The following EDA variants were observed in gnomAD, a reference collection of about 807,000 sequenced individuals.
EDA encodes ectodysplasin-A.
A neutral mutation model predicts 23.6 loss-of-function variants in EDA; 2 were observed. That is an observed-to-expected ratio of 0.08 (90% CI 0.03 to 0.27). EDA has a LOEUF of 0.27. EDA is among the 10% of genes least tolerant of loss of function. The pLI is 1.00. For missense variants in EDA, 229 were observed against 324.2 expected (o/e 0.71, Z 2.26); for synonymous variants, 131 against 132.0 (o/e 0.99, Z 0.05).
At chrX:69,912,611 T>A (rs542076958) in intron 1 of EDA, among the ~76,000 whole-genome samples, 1 of 111,297 alleles carries the variant, frequency 9.0e-6, no homozygotes, top group African/African-American at 3.3e-5. Context: ...AGCAGTAGTA[T>A]TTTGAATGGA....
At chrX:69,800,450 T>C (rs2015656120) in intron 1 of EDA, among the ~76,000 whole-genome samples, 1 of 111,483 alleles carries the variant, frequency 9.0e-6, no homozygotes, top group Non-Finnish European at 1.9e-5. Flanking sequence ...ATACTCTGAC[T>C]TGATCTTTAC....
At chrX:69,819,747 A>G (rs1402314057) in intron 1 of EDA, among the ~76,000 whole-genome samples, 4 of 111,530 alleles carry the variant, frequency 3.6e-5, no homozygotes, top group Non-Finnish European at 7.5e-5. Context: ...CAAATGGAGA[A>G]ACATTCCATG....
chrX:69,688,091 G>T (rs913113111), intron 1 of EDA, among the ~76,000 whole-genome samples: 12 of 111,322 alleles, frequency 1.1e-4, no homozygotes, highest in African/African-American at 3.9e-4. Flanking sequence ...TCACTGCCCT[G>T]GGAAAAAGAG....
At chrX:70,019,740 C>T (rs2020003962) in intron 2 of EDA, among the ~76,000 whole-genome samples, 1 of 111,466 alleles carries the variant, frequency 9.0e-6, no homozygotes, top group South Asian at 3.8e-4. Context: ...CCAGGGCCTT[C>T]TTGCGAGTGG....
At chrX:69,879,715 T>G (rs952140119) in intron 1 of EDA, among the ~76,000 whole-genome samples, 2 of 112,139 alleles carry the variant, frequency 1.8e-5, no homozygotes, top group Non-Finnish European at 3.8e-5. Flanking sequence ...AAAAGGAAGA[T>G]GGCATACCTG....
intron 1 of EDA, among the ~76,000 whole-genome samples, chrX:69,771,522 T>G (rs2014639858): frequency 1.8e-5 from 2 of 111,432 alleles, no homozygotes; most frequent in Non-Finnish European, 1.9e-5. Context: ...GTGCCTGGTG[T>G]GAGGGGGAAA....
chrX:69,979,213 C>T (rs930365704), intron 2 of EDA, among the ~76,000 whole-genome samples: 13 of 111,888 alleles, frequency 1.2e-4, no homozygotes, highest in Non-Finnish European at 2.1e-4. Context: ...GGTCCATCTG[C>T]GTTATAGCAT....
intron 1 of EDA, among the ~76,000 whole-genome samples, chrX:69,823,635 C>G (rs1397580797): frequency 1.1e-5 from 1 of 93,378 alleles, no homozygotes; most frequent in African/African-American, 4.1e-5. Context: ...AATTTTCTCC[C>G]ATTCTGTAGG....
chrX:69,915,477 C>G (rs2018326415), intron 1 of EDA, among the ~76,000 whole-genome samples: 1 of 109,936 alleles, frequency 9.1e-6, no homozygotes, highest in Non-Finnish European at 1.9e-5. Context: ...GTGGCACATC[C>G]CTGTAATCCC....
intron 1 of EDA, chrX:69,938,064 C>T: frequency 9.1e-7 from 1 of 1,100,169 alleles, no homozygotes; most frequent in Non-Finnish European, 1.2e-6. Flanking sequence ...AAATGTTATA[C>T]TTGATTGAAG....
intron 1 of EDA, among the ~76,000 whole-genome samples, chrX:69,870,969 A>C (rs1446037546): frequency 9.0e-6 from 1 of 110,893 alleles, no homozygotes; most frequent in Non-Finnish European, 1.9e-5. Flanking sequence ...CACTTTTTCC[A>C]CTGAACTTAG....
At chrX:69,654,709 A>G (rs2147247076) in intron 1 of EDA, among the ~76,000 whole-genome samples, 1 of 105,034 alleles carries the variant, frequency 9.5e-6, no homozygotes, top group East Asian at 3.1e-4. Context: ...AAAAAACCAA[A>G]CACTGCATGT....
chrX:69,759,646 A>G (rs1367616636), intron 1 of EDA, among the ~76,000 whole-genome samples: 4 of 111,610 alleles, frequency 3.6e-5, no homozygotes, highest in Non-Finnish European at 7.5e-5. Context: ...TAAAGATACA[A>G]GCTGGTGCGG....
At chrX:69,805,653 G>A (rs2015797010) in intron 1 of EDA, among the ~76,000 whole-genome samples, 1 of 111,499 alleles carries the variant, frequency 9.0e-6, no homozygotes, top group Non-Finnish European at 1.9e-5. Flanking sequence ...ACAACATGTT[G>A]TGCTATTAAA....
chrX:69,619,030 A>G (rs1932083854), intron 1 of EDA, among the ~76,000 whole-genome samples: 1 of 112,162 alleles, frequency 8.9e-6, no homozygotes, highest in Non-Finnish European at 1.9e-5. Context: ...TTTAATTTTC[A>G]GTATCTGCTG....
intron 1 of EDA, among the ~76,000 whole-genome samples, chrX:69,664,613 A>G (rs1482536876): frequency 8.9e-6 from 1 of 111,984 alleles, no homozygotes; most frequent in Non-Finnish European, 1.9e-5. Flanking sequence ...AGGCTTATCC[A>G]TGTTGTGGCA....
chrX:69,909,331 C>G (rs2018224750), intron 1 of EDA, among the ~76,000 whole-genome samples: 1 of 112,336 alleles, frequency 8.9e-6, no homozygotes. Context: ...GTGTCTCACT[C>G]TGTTGCCCAG....
chrX:69,701,574 G>T (rs191270176), intron 1 of EDA, among the ~76,000 whole-genome samples: 34 of 111,704 alleles, frequency 3.0e-4, no homozygotes, highest in Admixed American at 3.8e-4. Context: ...AGAAGGTCTT[G>T]TTGTAGGATT....
At chrX:69,709,279 C>A (rs1031912288) in intron 1 of EDA, among the ~76,000 whole-genome samples, 1 of 112,229 alleles carries the variant, frequency 8.9e-6, no homozygotes, top group African/African-American at 3.2e-5. Context: ...AGACCATCTG[C>A]AGATTCAGTC....
Sources: gnomAD v4.1 joint callset for allele counts (sites outside exome capture counted in the v4.1 genomes callset) on GRCh38, gnomAD v4.1.1 for gene constraint, MANE v1.5 for transcripts, NCBI Gene and HGNC (gene_info 2026-07-23, HGNC 2026-07-21) for gene names.